The following PPP1R14A variants were observed in gnomAD, a reference collection of about 807,000 sequenced individuals.
The protein encoded by PPP1R14A is protein phosphatase 1 regulatory inhibitor subunit 14A, also known as protein phosphatase 1 regulatory subunit 14A.
Under a neutral mutation model 14.1 loss-of-function variants are expected in PPP1R14A, and 9 were observed. That is an observed-to-expected ratio of 0.64 (90% confidence interval 0.38 to 1.11). The LOEUF is 1.11. Ranked by LOEUF, PPP1R14A falls within the 50% of genes most tolerant of loss-of-function variation. The probability of loss-of-function intolerance (pLI) is 0.01; values close to 1 mark genes in which losing one functional copy is unlikely to be tolerated. For synonymous variants in PPP1R14A, 93 were observed against 88.7 expected (o/e 1.05, Z -0.27); for missense variants, 208 against 200.7 (o/e 1.04, Z -0.22).
chr19:38,252,205 C>T lies in PPP1R14A; in HGVS notation c.315+101G>A, dbSNP rs986470960. The T allele has an allele frequency of 2.6e-5, 30 of 1,170,212 alleles. No homozygotes were observed. The highest frequency in any genetic ancestry group is 1.5e-4 in the African/African-American group (10 of 65,404). The allele number at this position is 1,170,212 out of a possible 1,614,324, so 72.5% of individuals were successfully genotyped here. A position where few individuals can be genotyped will look rare whatever the true frequency, so the allele number is the denominator to read the frequency against. On this transcript the variant is annotated intron_variant, in intron 3 of 3. Transcript: ENST00000301242. The surrounding 1 kb of genome is among the most constrained non-coding windows in gnomAD (Gnocchi z 4.1). ...AGGTTGGGGCCGGGGGTGGTGGGGC[C>T]GGGTGGTGTTCCCCAGAGACCCTTC...
chr19:38,256,001 G>A lies in PPP1R14A; in HGVS notation c.201+138C>T. ...GGATGGCCAGGCCAATGAGTGCCCG[G>A]CCCTGGGGCGCTCGTCCTCTTGTGC... On this transcript the variant is annotated intron_variant, in intron 1 of 3. Coordinates refer to ENST00000301242, the MANE Select transcript of PPP1R14A (RefSeq NM_033256.3). This position sits in a 1 kb window ranked among gnomAD's most constrained non-coding sequence, Gnocchi z 5.7. 1.3e-6 allele frequency: 1 copy of A among 757,918 alleles called. No individual in the cohort carries two copies. The highest frequency in any genetic ancestry group is 2.1e-6 in the Non-Finnish European group (1 of 486,832). The allele number at this position is 757,918 out of a possible 1,614,324, so 46.9% of individuals were successfully genotyped here. A position where few individuals can be genotyped will look rare whatever the true frequency, so the allele number is the denominator to read the frequency against.
intron 1 of PPP1R14A, among the ~76,000 whole-genome samples, chr19:38,255,748 G>A (rs1968240775): frequency 6.6e-6 from 1 of 151,698 alleles, no homozygotes; most frequent in Non-Finnish European, 1.5e-5. Flanking sequence ...TTCCTTTGCC[G>A]TGGGTCTCTG....
At position 38,252,452 on chromosome 19, in the gene PPP1R14A, C is replaced by A; in HGVS notation, c.283-114G>T. 1.9e-6 allele frequency: 2 copies of A among 1,033,860 alleles called. No individual in the cohort carries two copies. Among genetic ancestry groups the A allele is most frequent in the South Asian group, 2.7e-5 (2 of 73,036 alleles). 64.0% of individuals were successfully genotyped at this position (1,033,860 alleles called of 1,614,324 possible). ...CAGCAAGACAAATGGAAGTCAGACT[C>A]CAGGGTGGACTGCCCACCAAGCTTC... is the stretch of plus-strand genomic sequence containing the variant. On this transcript the variant is annotated intron_variant, in intron 2 of 3. Transcript: ENST00000301242. This position sits in a 1 kb window ranked among gnomAD's most constrained non-coding sequence, Gnocchi z 4.1.
chr19:38,255,957 G>C (rs1166289716), intron 1 of PPP1R14A, among the ~76,000 whole-genome samples, 182 bp downstream of exon 1: 1 of 147,462 alleles, frequency 6.8e-6, no homozygotes, highest in Non-Finnish European at 1.5e-5. Context: ...GTGTCCACAA[G>C]CACAATGCCA....
chr19:38,255,569 T>C (rs11880326), intron 1 of PPP1R14A, among the ~76,000 whole-genome samples: 8,608 of 151,792 alleles, frequency 0.057, 263 homozygotes, highest in Admixed American at 0.075. Flanking sequence ...CTGTGGCCCA[T>C]GCCGCTGTGT....
rs773512609 is a variant in PPP1R14A at position 38,252,905 on chromosome 19, G to A, written c.271C>T (p.Arg91Trp). 41 of 1,613,674 alleles carry A rather than the reference G, an allele frequency of 2.5e-5. No homozygotes were observed. Among genetic ancestry groups the A allele is most frequent in the Admixed American group, 2.5e-4 (15 of 60,014 alleles). ...LELESEEERS[R>W]KIQGLLKSCG... is the part of the protein sequence containing the mutation. ...GTCCCCCCACCTACCTGGATTTTCC[G>A]GCTTCTCTCCTCTTCACTCTCTAAC... The change falls in exon 2 of 4, where the codon CGG (arginine) becomes TGG (tryptophan). Residue 91 changes from arginine (R) to tryptophan (W), a missense_variant. Arg to Trp is a moderately radical substitution (Grantham distance 101). Transcript: ENST00000301242. The surrounding 1 kb of genome is among the most constrained non-coding windows in gnomAD (Gnocchi z 4.1).
chr19:38,254,705 T>C (rs1162509058), intron 1 of PPP1R14A, among the ~76,000 whole-genome samples: 1 of 152,240 alleles, frequency 6.6e-6, no homozygotes, highest in Non-Finnish European at 1.5e-5. Flanking sequence ...TCAATACATG[T>C]AGCTGTGGCT....
chr19:38,252,356 G>GAACAA lies in PPP1R14A; in HGVS notation c.283-23_283-19dup. ...AGGAGTCCCTAAAACCCCCAACCAAGAACAAAACAAAACAGTAAATGACTA... is the reference window on the plus strand; with the variant it reads ...AGGAGTCCCTAAAACCCCCAACCAAGAACAAAACAAAACAAAACAGTAAATGACTA... On this transcript the variant is annotated intron_variant, in intron 2 of 3. Transcript: ENST00000301242. This position sits in a 1 kb window ranked among gnomAD's most constrained non-coding sequence, Gnocchi z 4.1. 2 of 1,611,872 alleles carry GAACAA rather than the reference G, an allele frequency of 1.2e-6. No individual in the cohort carries two copies. Among genetic ancestry groups the GAACAA allele is most frequent in the East Asian group, 2.2e-5 (1 of 44,860 alleles).
intron 1 of PPP1R14A, among the ~76,000 whole-genome samples, chr19:38,253,832 G>A (rs1968217708): frequency 6.6e-6 from 1 of 152,238 alleles, no homozygotes; most frequent in Non-Finnish European, 1.5e-5. Context: ...GCCACAGCCT[G>A]ATGCCAAGGG....
Position 38,252,926 on chromosome 19 carries a change from C to G in PPP1R14A, c.250G>C (p.Glu84Gln). 5 of 1,614,134 alleles carry G rather than the reference C, an allele frequency of 3.1e-6. No individual in the cohort carries two copies. Among genetic ancestry groups the G allele is most frequent in the Non-Finnish European group, 4.2e-6 (5 of 1,179,982 alleles). The change falls in exon 2 of 4, where the codon GAG (glutamate) becomes CAG (glutamine). Residue 84 changes from glutamate (E) to glutamine (Q), a missense_variant. By Grantham distance (29) the Glu-to-Gln change is conservative (BLOSUM62 2). Coordinates refer to ENST00000301242, the MANE Select transcript of PPP1R14A (RefSeq NM_033256.3). The surrounding 1 kb of genome is among the most constrained non-coding windows in gnomAD (Gnocchi z 4.1). The part of the protein sequence containing the change: ...EINIDELLEL[E>Q]SEEERSRKIQ... ...TTCCGGCTTCTCTCCTCTTCACTCT[C>G]TAACTCCAACAATTCATCAATGTTG...
rs940413839 is a variant in PPP1R14A, at chr19:38,256,219, A to C, written c.121T>G (p.Tyr41Asp). 2 of 1,555,256 alleles carry C rather than the reference A, an allele frequency of 1.3e-6. No individual in the cohort carries two copies. Among genetic ancestry groups the C allele is most frequent in the Non-Finnish European group, 1.7e-6 (2 of 1,154,374 alleles). The change falls in exon 1 of 4, where the codon TAT becomes GAT. Residue 41 changes from tyrosine (Y) to aspartate (D), a missense_variant. Coordinates refer to ENST00000301242, the MANE Select transcript of PPP1R14A (RefSeq NM_033256.3). The surrounding 1 kb of genome is among the most constrained non-coding windows in gnomAD (Gnocchi z 5.7). ...CGCCGCTGCAGCTCCCGCCGGTCATACTTGACGGTGACGCGCGCGTGCCGC... is the reference window on the plus strand; with the variant it reads ...CGCCGCTGCAGCTCCCGCCGGTCATCCTTGACGGTGACGCGCGCGTGCCGC... ...QKRHARVTVK[Y>D]DRRELQRRLD...
rs757550129 is a variant in PPP1R14A at position 38,256,162 on chromosome 19, G to T, written c.178C>A (p.Leu60Met). The T allele has an allele frequency of 6.5e-7, 1 of 1,548,432 alleles. No homozygotes were observed. Among genetic ancestry groups the T allele is most frequent in the Non-Finnish European group, 8.7e-7 (1 of 1,151,794 alleles). The change falls in exon 1 of 4, where the codon CTG becomes ATG. Residue 60 changes from leucine (L) to methionine (M), a missense_variant. Physicochemically the swap from Leu to Met is conservative, Grantham distance 15. Transcript: ENST00000301242. This position sits in a 1 kb window ranked among gnomAD's most constrained non-coding sequence, Gnocchi z 5.7. The part of the protein sequence containing the change: ...LDVEKWIDGR[L>M]EELYRGMEAD... Reference sequence around the variant, plus strand: ...ACCATGCCGCGGTACAGCTCCTCCAGGCGCCCGTCGATCCACTTCTCCACG... The same window carrying T: ...ACCATGCCGCGGTACAGCTCCTCCATGCGCCCGTCGATCCACTTCTCCACG...
chr19:38,256,350 G>T lies in PPP1R14A; in HGVS notation c.-11C>A. 1 of 1,455,262 alleles carries T rather than the reference G, an allele frequency of 6.9e-7. No homozygotes were observed. Among genetic ancestry groups the T allele is most frequent in the South Asian group, 1.4e-5 (1 of 71,540 alleles). 90.1% of individuals were successfully genotyped at this position (1,455,262 alleles called of 1,614,324 possible). A position where few individuals can be genotyped will look rare whatever the true frequency, so the allele number is the denominator to read the frequency against. The stretch of plus-strand genomic sequence containing the variant: ...CCGCTGAGCTGCCATCGCGCTGCTG[G>T]ACCCAGCCTGGCCCCGCGCTGTGCG... On this transcript the variant is annotated 5_prime_UTR_variant, in exon 1 of 4. Coordinates refer to ENST00000301242, the MANE Select transcript of PPP1R14A (RefSeq NM_033256.3). This position sits in a 1 kb window ranked among gnomAD's most constrained non-coding sequence, Gnocchi z 5.7.
intron 1 of PPP1R14A, among the ~76,000 whole-genome samples, chr19:38,255,499 G>C (rs1230572691): frequency 6.6e-6 from 1 of 152,212 alleles, no homozygotes. Context: ...AGGAGATAAG[G>C]AAGGGCCGTA....
rs1968190166 is a variant in PPP1R14A, at chr19:38,251,525, C to G, written c.316-79G>C. On this transcript the variant is annotated intron_variant, in intron 3 of 3. Transcript: ENST00000301242. ...GCCCCTGTCCAGCCCAGTCCCTGAC[C>G]TGGGCGCCTCCTCCTGTTCTCTGAT... 5 of 1,370,142 alleles carry G rather than the reference C, an allele frequency of 3.6e-6. No individual in the cohort carries two copies. The African/African-American group carries it at 6.3e-5, about 17-fold the overall frequency. 84.9% of individuals were successfully genotyped at this position (1,370,142 alleles called of 1,614,324 possible). A position where few individuals can be genotyped will look rare whatever the true frequency, so the allele number is the denominator to read the frequency against.
At chr19:38,253,274 C>A in intron 1 of PPP1R14A, 1 of 350,656 alleles carries the variant, frequency 2.9e-6, no homozygotes, top group Non-Finnish European at 5.3e-6. Flanking sequence ...CAGAGGAAAA[C>A]AGGCCTAGTG....
rs1600320051 is a variant in PPP1R14A, at chr19:38,256,038, G to A, written c.201+101C>T. ...TCGTCCTCTTGTGCAGACCAGGCTG[G>A]CCGTGCACCAGCGAGTGTGCACCGA... is the stretch of plus-strand genomic sequence containing the variant. On this transcript the variant is annotated intron_variant, in intron 1 of 3. Transcript: ENST00000301242. This position sits in a 1 kb window ranked among gnomAD's most constrained non-coding sequence, Gnocchi z 5.7. 4 of 1,093,858 alleles carry A rather than the reference G, an allele frequency of 3.7e-6. No individual in the cohort carries two copies. The East Asian group carries it at 1.1e-4, about 30-fold the overall frequency. 67.8% of individuals were successfully genotyped at this position (1,093,858 alleles called of 1,614,324 possible).
Position 38,252,854 on chromosome 19 carries a change from G to A in PPP1R14A, c.282+40C>T, listed in dbSNP as rs1968204652. The A allele has an allele frequency of 7.0e-7, 1 of 1,426,492 alleles. No individual in the cohort carries two copies. The highest frequency in any genetic ancestry group is 1.1e-5 in the South Asian group (1 of 87,346). 88.4% of individuals were successfully genotyped at this position (1,426,492 alleles called of 1,614,324 possible). A position where few individuals can be genotyped will look rare whatever the true frequency, so the allele number is the denominator to read the frequency against. On this transcript the variant is annotated intron_variant, in intron 2 of 3. Transcript: ENST00000301242. The surrounding 1 kb of genome is among the most constrained non-coding windows in gnomAD (Gnocchi z 4.1). ...AACTATTGCTATTATTTTTAGGGAGGTGCAAAGTGGGAGGCTGGGGGACAC... is the reference window on the plus strand; with the variant it reads ...AACTATTGCTATTATTTTTAGGGAGATGCAAAGTGGGAGGCTGGGGGACAC...
Position 38,252,315 on chromosome 19 carries a change from T to G in PPP1R14A, c.306A>C (p.Lys102Asn). The change falls in exon 3 of 4, where the codon AAA becomes AAC. Residue 102 changes from lysine (K) to asparagine (N), a missense_variant. Lys to Asn is a moderately conservative substitution (Grantham distance 94, BLOSUM62 0). Coordinates refer to ENST00000301242, the MANE Select transcript of PPP1R14A (RefSeq NM_033256.3). This position sits in a 1 kb window ranked among gnomAD's most constrained non-coding sequence, Gnocchi z 4.1. ...KIQGLLKSCG[K>N]PVEDFIQELL... ...GGGAGAGAAAACTCACCTCGACAGGTTTCCCACATGACTTCAGGAGTCCCT... is the reference window on the plus strand; with the variant it reads ...GGGAGAGAAAACTCACCTCGACAGGGTTCCCACATGACTTCAGGAGTCCCT... 6.2e-7 allele frequency: 1 copy of G among 1,611,972 alleles called. No homozygotes were observed. The highest frequency in any genetic ancestry group is 8.5e-7 in the Non-Finnish European group (1 of 1,179,268).
Sources: allele counts gnomAD v4.1 joint callset (sites outside exome capture counted in the v4.1 genomes callset), GRCh38; gene constraint gnomAD v4.1.1; non-coding constraint Gnocchi (gnomAD v3.1); transcripts MANE v1.5; gene names NCBI Gene and HGNC (gene_info 2026-07-23, HGNC 2026-07-21).